Variants in ODAD4 observed in about 807,000 individuals in gnomAD.
ODAD4 encodes the protein outer dynein arm docking complex subunit 4, also known as outer dynein arm-docking complex subunit 4.
ODAD4 carries 49 observed loss-of-function variants against 51.8 expected under a neutral mutation model. The ratio of observed to expected loss-of-function variants is 0.95; its 90% CI spans 0.75 to 1.20. The LOEUF (loss-of-function observed/expected upper bound fraction) is 1.20, where lower values mean the gene tolerates loss of function less well. Among genes scored for constraint, ODAD4 ranks in the 50% most tolerant of loss-of-function variants. The pLI, the probability that ODAD4 is intolerant of heterozygous loss-of-function variation, is 0.00. For synonymous variants in ODAD4, 235 were observed against 221.3 expected (o/e 1.06, Z -0.55); for missense variants, 590 against 586.5 (o/e 1.01, Z -0.06).
chr17:41,939,514 G>C (rs2050477779), intron 7 of ODAD4, among the ~76,000 whole-genome samples: 1 of 152,208 alleles, frequency 6.6e-6, no homozygotes. Context: ...GTAATAACCA[G>C]ACACAAGGGC....
At chr17:41,948,538 C>T (rs2050616467) in intron 8 of ODAD4, among the ~76,000 whole-genome samples, 2 of 151,814 alleles carry the variant, frequency 1.3e-5, no homozygotes, top group Admixed American at 6.6e-5. Context: ...GCTTGAACTC[C>T]TTGGCTCAAG....
intron 1 of ODAD4, 38 bp downstream of exon 1, chr17:41,930,875 C>T (rs1194380653): frequency 1.5e-6 from 1 of 663,030 alleles, no homozygotes; most frequent in Non-Finnish European, 2.4e-6. Context: ...ACCCCATCAC[C>T]CGTCACTTTT....
At position 41,938,695 on chromosome 17, in the gene ODAD4, T is replaced by C. The variant is rs1555638232; in HGVS notation, c.764T>C (p.Met255Thr). 3 of 1,613,916 alleles carry C rather than the reference T, an allele frequency of 1.9e-6. No homozygotes were observed. In the South Asian group the frequency reaches 3.3e-5, roughly 18 times the overall value. Residue 255 changes from methionine (M) to threonine (T), a missense_variant, in exon 6 of 12, where the codon ATG becomes ACG. Transcript: ENST00000377540. ...IYARERDRKL[M>T]QEKWLRDHKR... Reference sequence around the variant, plus strand: ...GCCAGGGAGCGGGACCGGAAGCTGATGCAAGAGAAATGGCTGCGGGACCAC... The same window carrying C: ...GCCAGGGAGCGGGACCGGAAGCTGACGCAAGAGAAATGGCTGCGGGACCAC...
Position 41,938,796 on chromosome 17 carries a change from C to T in ODAD4, c.850+15C>T. 4 of 1,610,820 alleles carry T rather than the reference C, an allele frequency of 2.5e-6. No homozygotes were observed. The highest frequency in any genetic ancestry group is 2.5e-6 in the Non-Finnish European group (3 of 1,178,572). On this transcript the variant is annotated intron_variant, in intron 6 of 11. Coordinates refer to ENST00000377540, the MANE Select transcript of ODAD4 (RefSeq NM_031421.5). ...CATTGATATGTGTAGGTGTTGTTCTCAGAGGGTGGGGCAGGTGCCTCCAGT... is the reference window on the plus strand; with the variant it reads ...CATTGATATGTGTAGGTGTTGTTCTTAGAGGGTGGGGCAGGTGCCTCCAGT...
chr17:41,953,947 T>C (rs1225287867), intron 9 of ODAD4, among the ~76,000 whole-genome samples: 1 of 151,880 alleles, frequency 6.6e-6, no homozygotes, highest in Non-Finnish European at 1.5e-5. Flanking sequence ...ATTATAGGTG[T>C]GAGCCACCGC....
Position 41,949,368 on chromosome 17 carries a change from C to T in ODAD4, c.1342+19C>T. 1 of 398,572 alleles carries T rather than the reference C, an allele frequency of 2.5e-6. No homozygotes were observed. The highest frequency in any genetic ancestry group is 2.1e-5 in the African/African-American group (1 of 48,716). 24.7% of individuals were successfully genotyped at this position (398,572 alleles called of 1,614,324 possible). On this transcript the variant is annotated intron_variant, in intron 9 of 11. Coordinates refer to ENST00000377540, the MANE Select transcript of ODAD4 (RefSeq NM_031421.5). ...GCACAAGGTATGGGCTCAGAGATGA[C>T]CACCCTACCTTTTCCAGCCTTCAGG... is the stretch of plus-strand genomic sequence containing the variant.
rs782820445 is a variant in ODAD4 at position 41,930,881 on chromosome 17, C to CTTTTTTTTT, written c.114+65_114+73dup. The stretch of plus-strand genomic sequence containing the variant: ...CTATCCATCACCCCATCACCCGTCA[C>CTTTTTTTTT]TTTTTTTTTTTTTTTTTTTTTTTTT... On this transcript the variant is annotated intron_variant, in intron 1 of 11. Coordinates refer to ENST00000377540, the MANE Select transcript of ODAD4 (RefSeq NM_031421.5). The CTTTTTTTTT allele has an allele frequency of 3.5e-3, 336 of 97,222 alleles. 39 individuals carry two copies. Among genetic ancestry groups the CTTTTTTTTT allele is most frequent in the Middle Eastern group, 9.0e-3 (2 of 222 alleles). 6.0% of individuals were successfully genotyped at this position (97,222 alleles called of 1,614,324 possible).
rs1297389949 is a variant in ODAD4 at position 41,955,132 on chromosome 17, C to A, written c.1343-85C>A. ...CACACAAGCTTCTGATGGGCCCTGG[C>A]AGTGCTCGAGTAGCCAGAGGCTCCA... On this transcript the variant is annotated intron_variant, in intron 9 of 11. Transcript: ENST00000377540. 11 of 721,620 alleles carry A rather than the reference C, an allele frequency of 1.5e-5. No individual in the cohort carries two copies. The Admixed American group carries it at 2.1e-4, about 14-fold the overall frequency. The allele number at this position is 721,620 out of a possible 1,614,324, so 44.7% of individuals were successfully genotyped here.
intron 9 of ODAD4, among the ~76,000 whole-genome samples, chr17:41,951,671 G>C (rs553142357): frequency 1.2e-3 from 183 of 151,100 alleles, no homozygotes; most frequent in African/African-American, 4.3e-3. Flanking sequence ...ATCACCTGAG[G>C]TCAGGAGTTT....
intron 5 of ODAD4, among the ~76,000 whole-genome samples, chr17:41,937,771 C>T (rs1222700678): frequency 6.6e-6 from 1 of 152,226 alleles, no homozygotes; most frequent in Non-Finnish European, 1.5e-5. Flanking sequence ...TACACCTGGC[C>T]AGTCCAGTGC....
chr17:41,934,340 C>A (rs539616069), intron 1 of ODAD4, among the ~76,000 whole-genome samples: 2 of 151,096 alleles, frequency 1.3e-5, no homozygotes, highest in Admixed American at 1.3e-4. Flanking sequence ...TGCACCCGGC[C>A]TCTTTTTGTT....
chr17:41,944,715 G>A (rs1219889331), intron 7 of ODAD4, among the ~76,000 whole-genome samples: 1 of 151,836 alleles, frequency 6.6e-6, no homozygotes, highest in Non-Finnish European at 1.5e-5. Flanking sequence ...GCTTGAACCC[G>A]GCAGGTAGAG....
chr17:41,961,946 G>GA (rs2050810861), intron 11 of ODAD4, among the ~76,000 whole-genome samples: 1 of 152,130 alleles, frequency 6.6e-6, no homozygotes, highest in Non-Finnish European at 1.5e-5. Context: ...CTTCGACGAG[G>GA]AAAAATCTTC....
intron 10 of ODAD4, among the ~76,000 whole-genome samples, chr17:41,959,805 C>T (rs782097710): frequency 1.3e-5 from 2 of 152,136 alleles, no homozygotes; most frequent in East Asian, 1.9e-4. Context: ...TTTTGGGAGG[C>T]AGGTTCATGG....
intron 7 of ODAD4, among the ~76,000 whole-genome samples, chr17:41,941,622 G>A (rs114257899): frequency 0.013 from 2,009 of 152,134 alleles, 46 homozygotes; most frequent in African/African-American, 0.046. Context: ...AAAATTAGCC[G>A]GGCGTAGTGT....
chr17:41,944,203 A>G (rs1473351536), intron 7 of ODAD4, among the ~76,000 whole-genome samples: 1 of 151,620 alleles, frequency 6.6e-6, no homozygotes, highest in Non-Finnish European at 1.5e-5. Flanking sequence ...GTCTCAAAAA[A>G]AAAAAAAAAA....
intron 9 of ODAD4, 133 bp from the exon 10 acceptor site, chr17:41,955,084 G>T: frequency 1.4e-6 from 1 of 716,326 alleles, no homozygotes; most frequent in East Asian, 2.6e-5. Flanking sequence ...ATGCTTCCCT[G>T]GGGCCTGGGT....
chr17:41,962,146 A>G (rs1235522955), intron 11 of ODAD4, among the ~76,000 whole-genome samples: 1 of 151,982 alleles, frequency 6.6e-6, no homozygotes, highest in Non-Finnish European at 1.5e-5. Flanking sequence ...TTGGGTCTTT[A>G]CCCCACTAGG....
chr17:41,951,919 T>C (rs1478853020), intron 9 of ODAD4, among the ~76,000 whole-genome samples: 1 of 143,192 alleles, frequency 7.0e-6, no homozygotes, highest in African/African-American at 2.6e-5. Flanking sequence ...AAAATTAGCC[T>C]GGCCATAGTG....
Sources: gnomAD v4.1 joint callset for allele counts (sites outside exome capture counted in the v4.1 genomes callset) on GRCh38, gnomAD v4.1.1 for gene constraint, MANE v1.5 for transcripts, NCBI Gene and HGNC (gene_info 2026-07-23, HGNC 2026-07-21) for gene names.